The following BBS2 variants were observed in gnomAD, a reference collection of about 807,000 sequenced individuals.
The protein encoded by BBS2 is Bardet-Biedl syndrome 2.
BBS2 carries 62 observed loss-of-function variants against 83.0 expected under a neutral mutation model. That is an observed-to-expected ratio of 0.75 (90% CI 0.61 to 0.92). The LOEUF is 0.92. BBS2 is among the 40% of genes least tolerant of loss of function. The pLI is 0.00. For synonymous variants in BBS2, 303 were observed against 326.1 expected (o/e 0.93, Z 0.76); for missense variants, 784 against 901.0 (o/e 0.87, Z 1.66).
chr16:56,492,366 T>C (rs1044605153), intron 15 of BBS2, among the ~76,000 whole-genome samples: 1 of 152,208 alleles, frequency 6.6e-6, no homozygotes, highest in East Asian at 1.9e-4. Context: ...TGTGACAACA[T>C]GGACGAACTC....
intron 7 of BBS2, among the ~76,000 whole-genome samples, chr16:56,505,557 G>T (rs1322189659): frequency 7.1e-6 from 1 of 140,548 alleles, no homozygotes; most frequent in Non-Finnish European, 1.6e-5. Flanking sequence ...ATGCTAACAT[G>T]ATTCTTCCTA....
intron 17 of BBS2, among the ~76,000 whole-genome samples, chr16:56,471,255 A>G (rs1185424269): frequency 1.3e-5 from 2 of 151,882 alleles, no homozygotes; most frequent in African/African-American, 4.8e-5. Flanking sequence ...CAAGCTACTC[A>G]GGAGGCTGAG....
rs1415180394 is a variant in BBS2, at chr16:56,484,406, T to G, written c.*355A>C. ...AAAGTTTAACATCTTTACATTTTAA[T>G]GAAAAAGTAGATAATCTATTTGAAA... On this transcript the variant is annotated 3_prime_UTR_variant, in exon 17 of 17. Coordinates refer to ENST00000245157, the MANE Select transcript of BBS2 (RefSeq NM_031885.5). 5.1e-6 allele frequency: 1 copy of G among 194,232 alleles called. No homozygotes were observed. The highest frequency in any genetic ancestry group is 1.3e-4 in the East Asian group (1 of 7,842). The allele number at this position is 194,232 out of a possible 1,614,324, so 12.0% of individuals were successfully genotyped here.
chr16:56,473,481 A>G (rs1963298926), intron 17 of BBS2, among the ~76,000 whole-genome samples: 1 of 152,210 alleles, frequency 6.6e-6, no homozygotes. Flanking sequence ...TACAGGTGAT[A>G]CATCAAAGAC....
chr16:56,493,383 CAAAAAAAAAAAAA>C (rs1177705335), intron 15 of BBS2, among the ~76,000 whole-genome samples: 1 of 24,028 alleles, frequency 4.2e-5, no homozygotes, highest in East Asian at 1.8e-3. Flanking sequence ...GACCTTGTCT[CAAAAAAAAAAAAA>C]AAAAAAAAAA....
chr16:56,510,618 T>G (rs879627288), intron 4 of BBS2, among the ~76,000 whole-genome samples: 8 of 152,240 alleles, frequency 5.3e-5, no homozygotes, highest in Admixed American at 2.0e-4. Flanking sequence ...CTACCCTCTC[T>G]GCCCTCTCCT....
chr16:56,502,355 G>A lies in BBS2; in HGVS notation c.1042C>T (p.Leu348=), dbSNP rs1407743093. The A allele has an allele frequency of 1.9e-6, 3 of 1,614,204 alleles. No individual in the cohort carries two copies. The highest frequency in any genetic ancestry group is 2.2e-5 in the East Asian group (1 of 44,880). Residue 348 remains leucine, a synonymous_variant, in exon 9 of 17, where the codon CTG becomes TTG. Transcript: ENST00000245157. ...TCATAGTTACGGAGTTCCAGCAACAGATTCTGCTTCTTCTGACTCAGCTCT... is the reference window on the plus strand; with the variant it reads ...TCATAGTTACGGAGTTCCAGCAACAAATTCTGCTTCTTCTGACTCAGCTCT... The part of the protein sequence containing the change: ...IRELSQKKQN[L]LLELRNYEEN...
intron 7 of BBS2, among the ~76,000 whole-genome samples, chr16:56,505,069 A>G (rs1964386816): frequency 6.6e-6 from 1 of 152,200 alleles, no homozygotes; most frequent in Non-Finnish European, 1.5e-5. Context: ...AACTATAAGA[A>G]ATAAATTTCT....
chr16:56,510,135 G>T, intron 4 of BBS2, 101 bp from the exon 5 acceptor site: 2 of 983,252 alleles, frequency 2.0e-6, no homozygotes, highest in Non-Finnish European at 1.6e-6. Context: ...TGCTGCTTCT[G>T]CCACCCAAGA....
intron 9 of BBS2, 70 bp from the exon 10 acceptor site, chr16:56,501,567 T>C (rs1964275804): frequency 2.5e-6 from 4 of 1,593,176 alleles, no homozygotes; most frequent in Middle Eastern, 1.7e-4. Flanking sequence ...TTAAATAATA[T>C]TGCTATTCAG....
Position 56,511,208 on chromosome 16 carries a change from T to A in BBS2, c.422A>T (p.Asn141Ile), listed in dbSNP as rs144680278. The A allele has an allele frequency of 1.2e-6, 2 of 1,614,108 alleles. No individual in the cohort carries two copies. Among genetic ancestry groups the A allele is most frequent in the East Asian group, 4.5e-5 (2 of 44,870 alleles). Residue 141 changes from asparagine (N) to isoleucine (I), a missense_variant, in exon 3 of 17, where the codon AAT becomes ATT. Coordinates refer to ENST00000245157, the MANE Select transcript of BBS2 (RefSeq NM_031885.5). ...ISSPLAIIGG[N>I]CALQGFNHEG... ...ATGATTGAAACCTTGCAGAGCACAA[T>A]TGCCACCAATAATCGCAAGAGGGGA... is the stretch of plus-strand genomic sequence containing the variant.
At chr16:56,480,392 C>CAA (rs1327239932), downstream of BBS2, among the ~76,000 whole-genome samples, 2 of 117,114 alleles carry the variant, frequency 1.7e-5, no homozygotes, top group African/African-American at 7.1e-5. Flanking sequence ...GCTTGGGTTA[C>CAA]CTCTCCCAGA....
At chr16:56,480,247 C>CT (rs1963626590), downstream of BBS2, among the ~76,000 whole-genome samples, 2 of 150,586 alleles carry the variant, frequency 1.3e-5, no homozygotes, top group South Asian at 4.2e-4. Flanking sequence ...AAGAAAGAAT[C>CT]TGTTAGTTTT....
At chr16:56,475,941 A>T in intron 17 of BBS2, 1 of 1,067,218 alleles carries the variant, frequency 9.4e-7, no homozygotes, top group Middle Eastern at 2.8e-4. Context: ...CTCTATCCCC[A>T]GATTAAGTGC....
At position 56,519,734 on chromosome 16, in the gene BBS2, G is replaced by A; in HGVS notation, c.117+12C>T. On this transcript the variant is annotated intron_variant, in intron 1 of 16. Coordinates refer to ENST00000245157, the MANE Select transcript of BBS2 (RefSeq NM_031885.5). ...CCTGGGGCCCGGGCTCCCTGCGGGTGGGAGCGGTTACCTTGCCCGTTTGGG... is the reference window on the plus strand; with the variant it reads ...CCTGGGGCCCGGGCTCCCTGCGGGTAGGAGCGGTTACCTTGCCCGTTTGGG... The A allele has an allele frequency of 6.2e-7, 1 of 1,605,416 alleles. No individual in the cohort carries two copies. Among genetic ancestry groups the A allele is most frequent in the Non-Finnish European group, 8.5e-7 (1 of 1,173,220 alleles).
chr16:56,489,661 A>T (rs999777748), intron 15 of BBS2, among the ~76,000 whole-genome samples: 1 of 151,784 alleles, frequency 6.6e-6, no homozygotes, highest in Non-Finnish European at 1.5e-5. Flanking sequence ...TTAGCTGGGC[A>T]TGGTGGCGCA....
At position 56,491,654 on chromosome 16, in the gene BBS2, AATGG is replaced by A. The variant is rs1375866770; in HGVS notation, c.1910+5309_1910+5312del. ...ATAGTTCACACAAAAAAGAAATGGAAATGGCCCTGAATTAAAACAATGAAAAATG... is the reference window on the plus strand; with the variant it reads ...ATAGTTCACACAAAAAAGAAATGGAACCCTGAATTAAAACAATGAAAAATG... On this transcript the variant is annotated intron_variant, in intron 15 of 16. Transcript: ENST00000245157. 1.8e-4 allele frequency among the ~76,000 whole-genome samples: 28 copies of A among 151,886 alleles called. 1 individual carries two copies. The highest frequency in any genetic ancestry group is 6.8e-4 in the African/African-American group (28 of 41,444).
downstream of BBS2, among the ~76,000 whole-genome samples, chr16:56,481,775 G>A (rs528852651): frequency 1.3e-5 from 2 of 152,218 alleles, no homozygotes; most frequent in East Asian, 3.9e-4. Flanking sequence ...TAAGTTGGGG[G>A]AAAAAAGGTA....
At chr16:56,510,645 A>G (rs1207009172) in intron 4 of BBS2, among the ~76,000 whole-genome samples, 3 of 152,212 alleles carry the variant, frequency 2.0e-5, no homozygotes, top group African/African-American at 7.2e-5. Flanking sequence ...CTGAAACACC[A>G]TGGCTTTGAT....
Sources: allele counts gnomAD v4.1 joint callset (sites outside exome capture counted in the v4.1 genomes callset), GRCh38; gene constraint gnomAD v4.1.1; transcripts MANE v1.5; gene names NCBI Gene and HGNC (gene_info 2026-07-23, HGNC 2026-07-21).